RAB12: variants seen among roughly 807,000 people sequenced by gnomAD.
The protein encoded by RAB12 is RAB12, member RAS oncogene family.
RAB12 carries 11 observed loss-of-function variants against 28.4 expected under a neutral mutation model. That is an observed-to-expected ratio of 0.39 (90% CI 0.24 to 0.64). The LOEUF (loss-of-function observed/expected upper bound fraction) is 0.64. Among genes scored for constraint, RAB12 ranks in the 30% least tolerant of loss-of-function variants. RAB12 has a pLI of 0.50. For missense variants in RAB12, 276 were observed against 351.1 expected (o/e 0.79, Z 1.71); for synonymous variants, 138 against 145.3 (o/e 0.95, Z 0.36).
chr18:8,621,657 G>T (rs1409758986), intron 1 of RAB12, among the ~76,000 whole-genome samples: 1 of 152,004 alleles, frequency 6.6e-6, no homozygotes, highest in Non-Finnish European at 1.5e-5. Flanking sequence ...TACATGTGCA[G>T]GTTTGTTACA....
rs1311178083 is a variant in RAB12, at chr18:8,609,895, C to T, written c.456C>T (p.Thr152=). Residue 152 remains threonine (T), a synonymous_variant, in exon 1 of 6, where the codon ACC becomes ACT. Coordinates refer to ENST00000649141, the MANE Select transcript of RAB12 (RefSeq NM_001025300.3). ...TCGGCTCCCGCGGCGTGGGCAAGAC[C>T]AGCCTGATGGAGCGCTTCACCGACG... is the stretch of plus-strand genomic sequence containing the variant. ...IIIGSRGVGK[T]SLMERFTDDT... is the part of the protein sequence containing the mutation. 1.2e-6 allele frequency: 2 copies of T among 1,608,316 alleles called. No individual in the cohort carries two copies. The highest frequency in any genetic ancestry group is 2.2e-5 in the South Asian group (2 of 90,332).
chr18:8,616,510 T>G (rs775787665), intron 1 of RAB12, among the ~76,000 whole-genome samples: 39 of 152,058 alleles, frequency 2.6e-4, no homozygotes, highest in Admixed American at 9.2e-4. Context: ...GGTGCCTAGT[T>G]AACAAAACAA....
intron 1 of RAB12, among the ~76,000 whole-genome samples, chr18:8,613,886 G>A (rs1463361054): frequency 6.6e-6 from 1 of 152,028 alleles, no homozygotes; most frequent in Non-Finnish European, 1.5e-5. Context: ...GCTATATGGT[G>A]AGCACTTACT....
At chr18:8,616,196 A>T (rs1255626332) in intron 1 of RAB12, among the ~76,000 whole-genome samples, 2 of 152,128 alleles carry the variant, frequency 1.3e-5, no homozygotes, top group African/African-American at 4.8e-5. Flanking sequence ...TACCCTTTTC[A>T]GAGAGGAGGT....
chr18:8,610,967 T>A (rs546347548), intron 1 of RAB12, among the ~76,000 whole-genome samples: 1 of 152,370 alleles, frequency 6.6e-6, no homozygotes, highest in Admixed American at 6.5e-5. Flanking sequence ...GATTTTGAGA[T>A]GACTTGATTT....
chr18:8,609,920 G>T lies in RAB12; in HGVS notation c.481G>T (p.Asp161Tyr). The T allele has an allele frequency of 6.2e-7, 1 of 1,609,402 alleles. No homozygotes were observed. Among genetic ancestry groups the T allele is most frequent in the Non-Finnish European group, 8.5e-7 (1 of 1,178,266 alleles). Residue 161 changes from aspartate (D) to tyrosine (Y), a missense_variant, in exon 1 of 6, where the codon GAC becomes TAC. Asp to Tyr is a radical substitution (Grantham distance 160, BLOSUM62 -3). Transcript: ENST00000649141. Reference sequence around the variant, plus strand: ...CAGCCTGATGGAGCGCTTCACCGACGACACCTTCTGCGAGGCCTGCAAGTC... The same window carrying T: ...CAGCCTGATGGAGCGCTTCACCGACTACACCTTCTGCGAGGCCTGCAAGTC... ...KTSLMERFTD[D>Y]TFCEACKSTV...
At chr18:8,624,619 T>C (rs1352225509) in intron 1 of RAB12, among the ~76,000 whole-genome samples, 1 of 152,240 alleles carries the variant, frequency 6.6e-6, no homozygotes, top group African/African-American at 2.4e-5. Context: ...GTTGATGTAG[T>C]TATTAAATGT....
chr18:8,631,630 C>T (rs2085373168), intron 2 of RAB12, among the ~76,000 whole-genome samples: 3 of 152,184 alleles, frequency 2.0e-5, no homozygotes, highest in Admixed American at 1.3e-4. Context: ...TGTCTGTTTC[C>T]CTCTGAGTGT....
At chr18:8,614,028 G>T (rs2096005371) in intron 1 of RAB12, among the ~76,000 whole-genome samples, 2 of 152,218 alleles carry the variant, frequency 1.3e-5, no homozygotes. Context: ...GCCAAGGGCT[G>T]CAAGTGAATT....
rs757875629 is a variant in RAB12, at chr18:8,638,246, A to G, written c.1007A>G (p.His336Arg). 1.2e-6 allele frequency: 2 copies of G among 1,612,432 alleles called. No homozygotes were observed. Among genetic ancestry groups the G allele is most frequent in the East Asian group, 2.2e-5 (1 of 44,884 alleles). The change falls in exon 6 of 6, where the codon CAT becomes CGT. Residue 336 changes from histidine to arginine, a missense_variant. This residue lies in a region of RAB12 where 127 missense variants were observed against 161.4 expected (regional missense o/e 0.79). Transcript: ENST00000649141. Reference sequence around the variant, plus strand: ...CCAGAACTGCCTCCACCAAGACCACATGTCCGATGCTGTTGATTTCCTACT... The same window carrying G: ...CCAGAACTGCCTCCACCAAGACCACGTGTCCGATGCTGTTGATTTCCTACT... Reference protein sequence around the residue: ...IPPELPPPRPHVRCC With the variant: ...IPPELPPPRPRVRCC
rs1243808267 is a variant in RAB12 at position 8,639,143 on chromosome 18, T to G, written c.*881T>G. ...GCTTATTCTGATTAAGCCTAGACTG[T>G]GTTCTTTTTTTTTTTTTTTTTTTTT... On this transcript the variant is annotated 3_prime_UTR_variant, in exon 6 of 6. Transcript: ENST00000649141. 1 of 105,808 alleles carries G rather than the reference T, an allele frequency of 9.5e-6. No homozygotes were observed. The highest frequency in any genetic ancestry group is 1.9e-5 in the Non-Finnish European group (1 of 53,216). 6.6% of individuals were successfully genotyped at this position (105,808 alleles called of 1,614,324 possible).
In RAB12 at chr18:8,638,372, C is replaced by G. The variant is rs2096020188; in HGVS notation, c.*110C>G. The G allele has an allele frequency of 1.4e-6, 1 of 728,792 alleles. No homozygotes were observed. The highest frequency in any genetic ancestry group is 2.3e-6 in the Non-Finnish European group (1 of 425,646). 45.1% of individuals were successfully genotyped at this position (728,792 alleles called of 1,614,324 possible). On this transcript the variant is annotated 3_prime_UTR_variant, in exon 6 of 6. Coordinates refer to ENST00000649141, the MANE Select transcript of RAB12 (RefSeq NM_001025300.3). ...TCCTTTCGCACTTTGTAATCCAAGTCAGAGCTATACACTAACTTGTAAATA... is the reference window on the plus strand; with the variant it reads ...TCCTTTCGCACTTTGTAATCCAAGTGAGAGCTATACACTAACTTGTAAATA...
At chr18:8,632,745 G>A in intron 2 of RAB12, 1 of 214,228 alleles carries the variant, frequency 4.7e-6, no homozygotes, top group South Asian at 7.7e-5. Flanking sequence ...GTTGCTCTTG[G>A]GTATGACAAA....
At chr18:8,635,480 C>T (rs1051200905) in intron 3 of RAB12, 53 bp from the exon 4 acceptor site, 3 of 1,244,248 alleles carry the variant, frequency 2.4e-6, no homozygotes, top group South Asian at 2.6e-5. Context: ...TTTCTGCTGT[C>T]AGTATATGGC....
intron 2 of RAB12, 80 bp downstream of exon 2, chr18:8,625,078 T>A: frequency 2.3e-6 from 2 of 878,320 alleles, no homozygotes; most frequent in Non-Finnish European, 3.6e-6. Context: ...ATGAACTGTT[T>A]GAGCTGATTT....
At chr18:8,637,260 T>G (rs1198804200) in intron 5 of RAB12, among the ~76,000 whole-genome samples, 1 of 148,208 alleles carries the variant, frequency 6.7e-6, no homozygotes, top group Non-Finnish European at 1.5e-5. Context: ...GGTGACAGAA[T>G]GAGACACTGT....
intron 3 of RAB12, chr18:8,635,301 C>T (rs2096018237): frequency 3.1e-6 from 1 of 325,028 alleles, no homozygotes; most frequent in East Asian, 5.6e-5. Context: ...GTTGGGTCAA[C>T]AGCCAAGAGC....
chr18:8,628,650 C>T (rs1314166942), intron 2 of RAB12, among the ~76,000 whole-genome samples: 2 of 152,182 alleles, frequency 1.3e-5, no homozygotes, highest in African/African-American at 4.8e-5. Context: ...TCTTTCTTTA[C>T]ATTGGACTTA....
Position 8,620,120 on chromosome 18 carries a change from T to C in RAB12, c.515-4818T>C, listed in dbSNP as rs374102370. Among the ~76,000 whole-genome samples the C allele has an allele frequency of 3.2e-4, 41 of 126,284 alleles. No individual in the cohort carries two copies. The East Asian group carries it at 6.8e-3, about 21-fold the overall frequency. 82.8% of individuals were successfully genotyped at this position (126,284 alleles called of 152,430 possible). On this transcript the variant is annotated intron_variant, in intron 1 of 5. Transcript: ENST00000649141. Reference sequence around the variant, plus strand: ...GCACTCCAGCCTGGGTGACAAAGCCTTCTTTTTTTTTTCTTCTTCTTTTTT... The same window carrying C: ...GCACTCCAGCCTGGGTGACAAAGCCCTCTTTTTTTTTTCTTCTTCTTTTTT...
Sources: gnomAD v4.1 joint callset for allele counts (sites outside exome capture counted in the v4.1 genomes callset) on GRCh38, gnomAD v4.1.1 for gene constraint, gnomAD v4.1.1 regional missense constraint, MANE v1.5 for transcripts, NCBI Gene and HGNC (gene_info 2026-07-23, HGNC 2026-07-21) for gene names.